DENND5B: variants seen among roughly 807,000 people sequenced by gnomAD.
DENND5B encodes DENN domain containing 5B, also known as DENN domain-containing protein 5B.
Under a neutral mutation model 140.6 loss-of-function variants are expected in DENND5B, and 34 were observed. That is an observed-to-expected ratio of 0.24 (90% CI 0.18 to 0.32). The LOEUF is 0.32. Ranked by LOEUF, DENND5B falls within the 10% of genes least tolerant of loss-of-function variation. The pLI is 1.00. For synonymous variants in DENND5B, 551 were observed against 562.1 expected (o/e 0.98, Z 0.28); for missense variants, 1,142 against 1,560.2 (o/e 0.73, Z 4.52).
At chr12:31,429,529 CT>C (rs1943415559) in intron 8 of DENND5B, among the ~76,000 whole-genome samples, 1 of 152,160 alleles carries the variant, frequency 6.6e-6, no homozygotes, top group Admixed American at 6.5e-5. Flanking sequence ...CTGCCTCAGC[CT>C]CTCGAGTAGC....
At position 31,392,602 on chromosome 12, in the gene DENND5B, G is replaced by C. The variant is rs1207798115; in HGVS notation, c.3339+12C>G. On this transcript the variant is annotated intron_variant, in intron 18 of 20. Transcript: ENST00000389082. Reference sequence around the variant, plus strand: ...AAGTCCCACTATACTAAGTTTTATAGCCCATAAATACCTCTTTTTCAGGTT... The same window carrying C: ...AAGTCCCACTATACTAAGTTTTATACCCCATAAATACCTCTTTTTCAGGTT... 2 of 1,552,712 alleles carry C rather than the reference G, an allele frequency of 1.3e-6. No homozygotes were observed. The highest frequency in any genetic ancestry group is 1.2e-5 in the South Asian group (1 of 83,938).
At chr12:31,566,576 A>C (rs560023763) in intron 1 of DENND5B, among the ~76,000 whole-genome samples, 24 of 151,996 alleles carry the variant, frequency 1.6e-4, no homozygotes, top group Non-Finnish European at 3.4e-4. Flanking sequence ...CAAGACGAGC[A>C]AGGGCCACAT....
Position 31,402,626 on chromosome 12 carries a change from C to T in DENND5B, c.2821G>A (p.Val941Met), listed in dbSNP as rs1456240975. The change falls in exon 15 of 21, where the codon GTG (valine) becomes ATG (methionine). Residue 941 changes from valine (V) to methionine (M), a missense_variant. Physicochemically the swap from Val to Met is conservative, Grantham distance 21 (BLOSUM62 1). Transcript: ENST00000389082. ...FTTIMIPYRS[V>M]IIPIKKLSNA... ...CTCAGCTTTTTGATTGGGATGATCA[C>T]TGACCTATACGGAATCACTGAAAGA... The T allele has an allele frequency of 6.2e-7, 1 of 1,609,152 alleles. No homozygotes were observed.
chr12:31,589,659 C>T (rs1950531153), intron 1 of DENND5B, among the ~76,000 whole-genome samples: 1 of 150,378 alleles, frequency 6.6e-6, no homozygotes, highest in African/African-American at 2.5e-5. Context: ...AATTATTTGT[C>T]CAAAGGAAGT....
intron 1 of DENND5B, among the ~76,000 whole-genome samples, chr12:31,532,969 G>A (rs1018662995): frequency 3.9e-5 from 6 of 152,154 alleles, no homozygotes; most frequent in South Asian, 2.1e-4. Flanking sequence ...GTCACAATTT[G>A]TAGGCATCGG....
chr12:31,509,690 G>A (rs1021135758), intron 1 of DENND5B, among the ~76,000 whole-genome samples: 2 of 152,176 alleles, frequency 1.3e-5, no homozygotes, highest in African/African-American at 2.4e-5. Context: ...TACATTCTAA[G>A]AGGAGGGAGA....
At chr12:31,472,799 A>G (rs569839320) in intron 3 of DENND5B, among the ~76,000 whole-genome samples, 12 of 152,270 alleles carry the variant, frequency 7.9e-5, no homozygotes, top group Non-Finnish European at 1.8e-4. Flanking sequence ...AATCAAAATA[A>G]AGACTCACAA....
chr12:31,533,558 A>G (rs1185203200), intron 1 of DENND5B, among the ~76,000 whole-genome samples: 1 of 152,208 alleles, frequency 6.6e-6, no homozygotes, highest in African/African-American at 2.4e-5. Context: ...CTATAAAACA[A>G]AGACCTTGGA....
intron 1 of DENND5B, among the ~76,000 whole-genome samples, chr12:31,518,325 TAGG>T (rs1947749818): frequency 1.3e-5 from 2 of 152,226 alleles, no homozygotes; most frequent in African/African-American, 4.8e-5. Context: ...TTGTTTACAT[TAGG>T]AGAACACAGA....
chr12:31,429,945 G>T (rs972630028), intron 8 of DENND5B, among the ~76,000 whole-genome samples: 5 of 151,952 alleles, frequency 3.3e-5, no homozygotes, highest in Admixed American at 2.0e-4. Context: ...GATCTCAAAT[G>T]ATCTCCCCAC....
intron 7 of DENND5B, among the ~76,000 whole-genome samples, chr12:31,437,063 T>C (rs1311313268): frequency 3.9e-5 from 6 of 152,188 alleles, no homozygotes; most frequent in African/African-American, 1.4e-4. Flanking sequence ...ATCTCCATTT[T>C]CTATAAAATC....
intron 1 of DENND5B, among the ~76,000 whole-genome samples, chr12:31,496,458 T>C (rs1055359655): frequency 6.6e-6 from 1 of 152,246 alleles, no homozygotes; most frequent in African/African-American, 2.4e-5. Context: ...TCCTGTTTAG[T>C]AGACAGAACA....
intron 2 of DENND5B, among the ~76,000 whole-genome samples, chr12:31,485,608 G>C (rs1004461382): frequency 1.3e-5 from 2 of 152,232 alleles, no homozygotes; most frequent in African/African-American, 4.8e-5. Flanking sequence ...AAAACAGTCA[G>C]CTGGACAGAT....
rs559947817 is a variant in DENND5B at position 31,555,077 on chromosome 12, A to G, written c.127+35629T>C. On this transcript the variant is annotated intron_variant, in intron 1 of 20. Transcript: ENST00000389082. ...TCAACTCGTCAGTCATTCTTTGTCCAGCTTTGTTCCGTTGCTGGTGAGGAG... is the reference window on the plus strand; with the variant it reads ...TCAACTCGTCAGTCATTCTTTGTCCGGCTTTGTTCCGTTGCTGGTGAGGAG... 2.0e-5 allele frequency among the ~76,000 whole-genome samples: 3 copies of G among 152,214 alleles called. No individual in the cohort carries two copies. In the East Asian group the frequency reaches 5.8e-4, roughly 29 times the overall value.
At chr12:31,457,066 A>G (rs1287714936) in intron 4 of DENND5B, among the ~76,000 whole-genome samples, 2 of 152,250 alleles carry the variant, frequency 1.3e-5, no homozygotes, top group African/African-American at 4.8e-5. Flanking sequence ...TGACAGAGTG[A>G]GACCCTGTCT....
In DENND5B at chr12:31,460,479, C is replaced by T. The variant is rs973262633; in HGVS notation, c.905-98G>A. ...GTGGATCTTAAGAAAAAAATTTCTG[C>T]GTTAAAAGTAAATATTTCTTTATGA... On this transcript the variant is annotated intron_variant, in intron 3 of 20. Transcript: ENST00000389082. 1.6e-4 allele frequency: 186 copies of T among 1,143,152 alleles called. 3 individuals are homozygous for T. Among genetic ancestry groups the T allele is most frequent in the African/African-American group, 1.4e-3 (87 of 64,408 alleles). The allele number at this position is 1,143,152 out of a possible 1,614,324, so 70.8% of individuals were successfully genotyped here.
intron 4 of DENND5B, among the ~76,000 whole-genome samples, chr12:31,453,912 C>T (rs1018188518): frequency 1.3e-5 from 2 of 151,900 alleles, no homozygotes; most frequent in African/African-American, 2.4e-5. Context: ...GAGGCTGAGG[C>T]GGGAGGATGA....
chr12:31,415,456 G>A lies in DENND5B; in HGVS notation c.2471-8C>T. 1 of 1,589,144 alleles carries A rather than the reference G, an allele frequency of 6.3e-7. No homozygotes were observed. Among genetic ancestry groups the A allele is most frequent in the Non-Finnish European group, 8.6e-7 (1 of 1,165,908 alleles). On this transcript the variant is annotated splice_region_variant and splice_polypyrimidine_tract_variant and intron_variant, in intron 11 of 20. Coordinates refer to ENST00000389082, the MANE Select transcript of DENND5B (RefSeq NM_144973.4). ...TTTCTGGTCCGAGGGCAACTATGTA[G>A]AAAAATATCAACAAAATATTAGAAA...
intron 8 of DENND5B, among the ~76,000 whole-genome samples, chr12:31,431,023 CAT>C (rs1247769161): frequency 2.6e-5 from 4 of 152,200 alleles, no homozygotes; most frequent in Non-Finnish European, 5.9e-5. Flanking sequence ...GAGGAAAAAA[CAT>C]ATTTCAAGAT....
Sources: allele counts gnomAD v4.1 joint callset (sites outside exome capture counted in the v4.1 genomes callset), GRCh38; gene constraint gnomAD v4.1.1; transcripts MANE v1.5; gene names NCBI Gene and HGNC (gene_info 2026-07-23, HGNC 2026-07-21).